LTBP1: variants seen among roughly 807,000 people sequenced by gnomAD.
LTBP1 encodes latent-transforming growth factor beta-binding protein 1.
LTBP1 carries 129 observed loss-of-function variants against 207.6 expected under a neutral mutation model. The ratio of observed to expected loss-of-function variants is 0.62; its 90% CI spans 0.54 to 0.72. The LOEUF is 0.72. Ranked by LOEUF, LTBP1 falls within the 30% of genes least tolerant of loss-of-function variation. The probability of loss-of-function intolerance (pLI) is 0.00; values close to 1 mark genes in which losing one functional copy is unlikely to be tolerated. For missense variants in LTBP1, 2,281 were observed against 2,217.2 expected, an observed-to-expected ratio of 1.03 and a Z score of -0.58; for synonymous variants, 963 against 833.7, an observed-to-expected ratio of 1.16 and a Z score of -2.67.
chr2:33,027,936 C>T (rs967786763), intron 3 of LTBP1, among the ~76,000 whole-genome samples: 1 of 152,180 alleles, frequency 6.6e-6, no homozygotes, highest in Non-Finnish European at 1.5e-5. Context: ...CTTCCTAATC[C>T]ATGAAAACCA....
chr2:32,984,909 C>G (rs536401296), intron 2 of LTBP1, among the ~76,000 whole-genome samples: 1 of 151,718 alleles, frequency 6.6e-6, no homozygotes, highest in East Asian at 1.9e-4. Flanking sequence ...CCAGCCTGGG[C>G]GAGAAGAGTG....
chr2:33,008,532 T>C (rs899194900), intron 2 of LTBP1, among the ~76,000 whole-genome samples: 18 of 152,330 alleles, frequency 1.2e-4, no homozygotes, highest in African/African-American at 3.8e-4. Flanking sequence ...TCACCACTTA[T>C]AGGTAGATGA....
chr2:32,947,941 C>A, intron 1 of LTBP1, 123 bp downstream of exon 1: 1 of 809,286 alleles, frequency 1.2e-6, no homozygotes, highest in Non-Finnish European at 1.7e-6. Context: ...GGTGGGTCGG[C>A]TTTCTCCTCC....
chr2:33,343,255 A>T (rs1307837596), intron 25 of LTBP1, among the ~76,000 whole-genome samples: 2 of 151,842 alleles, frequency 1.3e-5, no homozygotes, highest in Non-Finnish European at 2.9e-5. Flanking sequence ...AAATTTTAAA[A>T]AAAAAATTAG....
chr2:33,053,674 A>C (rs2076854472), intron 3 of LTBP1, among the ~76,000 whole-genome samples: 1 of 152,136 alleles, frequency 6.6e-6, no homozygotes, highest in Non-Finnish European at 1.5e-5. Flanking sequence ...GTCTTAGGGC[A>C]AGGATAAGCC....
intron 7 of LTBP1, among the ~76,000 whole-genome samples, chr2:33,208,207 C>T (rs1393424000): frequency 1.3e-5 from 2 of 152,082 alleles, no homozygotes; most frequent in African/African-American, 2.4e-5. Flanking sequence ...GAGGATGGCA[C>T]CTGCATGGGT....
chr2:33,017,188 A>G (rs550841195), intron 2 of LTBP1, among the ~76,000 whole-genome samples: 5 of 152,358 alleles, frequency 3.3e-5, no homozygotes, highest in South Asian at 2.1e-4. Flanking sequence ...ATAGATATGG[A>G]AAATGACATC....
intron 5 of LTBP1, among the ~76,000 whole-genome samples, chr2:33,145,064 T>G (rs150876225): frequency 6.6e-6 from 1 of 152,034 alleles, no homozygotes; most frequent in Non-Finnish European, 1.5e-5. Flanking sequence ...ATAAGAAGAG[T>G]CAGATGCCCT....
chr2:33,163,389 G>A (rs13398513), intron 5 of LTBP1, among the ~76,000 whole-genome samples: 2,613 of 152,258 alleles, frequency 0.017, 73 homozygotes, highest in African/African-American at 0.058. Flanking sequence ...GATATTAAAC[G>A]TGGTAAGACA....
At chr2:33,143,518 A>T (rs987817467) in intron 5 of LTBP1, among the ~76,000 whole-genome samples, 2 of 152,232 alleles carry the variant, frequency 1.3e-5, no homozygotes, top group African/African-American at 4.8e-5. Flanking sequence ...GTTTAGGGGC[A>T]TAGGAAATAG....
At chr2:33,020,057 G>A (rs1324821167) in intron 2 of LTBP1, among the ~76,000 whole-genome samples, 1 of 152,094 alleles carries the variant, frequency 6.6e-6, no homozygotes. Flanking sequence ...TGGTGATTCA[G>A]AGTACATACA....
At chr2:33,290,198 G>A (rs1029741327) in intron 19 of LTBP1, among the ~76,000 whole-genome samples, 3 of 152,190 alleles carry the variant, frequency 2.0e-5, no homozygotes, top group Admixed American at 2.0e-4. Flanking sequence ...CCAGTCTCGA[G>A]AGAAAGACAT....
At chr2:33,328,444 G>A (rs1172089460) in intron 24 of LTBP1, among the ~76,000 whole-genome samples, 1 of 152,170 alleles carries the variant, frequency 6.6e-6, no homozygotes, top group Non-Finnish European at 1.5e-5. Context: ...AAGGAAAGAG[G>A]TTTAATTAAT....
chr2:32,982,850 A>G (rs939127094), intron 2 of LTBP1, among the ~76,000 whole-genome samples: 1 of 152,236 alleles, frequency 6.6e-6, no homozygotes, highest in Non-Finnish European at 1.5e-5. Flanking sequence ...CTGGATGTCC[A>G]GGAAGAAGTT....
intron 9 of LTBP1, among the ~76,000 whole-genome samples, chr2:33,232,106 T>A (rs1012460944): frequency 1.3e-5 from 2 of 151,322 alleles, no homozygotes. Context: ...ACATGAGGGG[T>A]AAGGGGGGAT....
chr2:33,049,650 C>T (rs939659604), intron 3 of LTBP1, among the ~76,000 whole-genome samples: 1 of 152,124 alleles, frequency 6.6e-6, no homozygotes. Context: ...TTATCTCAGC[C>T]TTCCAAATTT....
intron 29 of LTBP1, 151 bp downstream of exon 29, chr2:33,363,669 T>G (rs1318197440): frequency 2.3e-6 from 2 of 856,106 alleles, no homozygotes; most frequent in African/African-American, 3.4e-5. Flanking sequence ...TTAAGCACAA[T>G]TGAAGAAAAT....
Position 33,314,767 on chromosome 2 carries a change from A to G in LTBP1, c.3605-377A>G, listed in dbSNP as rs117999937. 8.5e-4 allele frequency among the ~76,000 whole-genome samples: 130 copies of G among 152,334 alleles called. No individual in the cohort carries two copies. In the East Asian group the frequency reaches 0.017, roughly 20 times the overall value. On this transcript the variant is annotated intron_variant, in intron 23 of 33. Transcript: ENST00000404816. ...GGAATGTAACAAGGTACTACAGACT[A>G]TAACAGCTGTGTGCATGGCAATGGG...
chr2:33,347,541 G>A (rs1180458812), intron 26 of LTBP1, 31 bp downstream of exon 26: 1 of 1,612,676 alleles, frequency 6.2e-7, no homozygotes, highest in South Asian at 1.1e-5. Context: ...GCAAGGGAAT[G>A]ACAGGCTCCT....
Sources: gnomAD v4.1 joint callset for allele counts (sites outside exome capture counted in the v4.1 genomes callset) on GRCh38, gnomAD v4.1.1 for gene constraint, MANE v1.5 for transcripts, NCBI Gene and HGNC (gene_info 2026-07-23, HGNC 2026-07-21) for gene names.